The following TYW1B variants were observed in gnomAD, a reference collection of about 807,000 sequenced individuals.
The protein encoded by TYW1B is tRNA-yW synthesizing protein 1 homolog B, also known as S-adenosyl-L-methionine-dependent tRNA 4-demethylwyosine synthase TYW1B.
A neutral mutation model predicts 86.9 loss-of-function variants in TYW1B; 73 were observed. The observed-to-expected ratio is 0.84, with a 90% CI of 0.70 to 1.02. The LOEUF is 1.02. TYW1B is among the 50% of genes least tolerant of loss of function. The pLI, the probability that TYW1B is intolerant of heterozygous loss-of-function variation, is 0.00. For missense variants in TYW1B, 637 were observed against 827.4 expected, an observed-to-expected ratio of 0.77 and a Z score of 2.82; for synonymous variants, 248 against 292.8, an observed-to-expected ratio of 0.85 and a Z score of 1.56.
At chr7:72,619,611 G>A (rs1402666738) in intron 12 of TYW1B, among the ~76,000 whole-genome samples, 4 of 143,368 alleles carry the variant, frequency 2.8e-5, no homozygotes, top group South Asian at 2.2e-4. Context: ...ACTGCAGTCC[G>A]CAGTCTGGCC....
Position 72,768,842 on chromosome 7 carries a change from G to T in TYW1B, c.964+8574C>A. 3 of 273,782 alleles carry T rather than the reference G, an allele frequency of 1.1e-5. No homozygotes were observed. In the South Asian group the frequency reaches 1.4e-4, roughly 12 times the overall value. The allele number at this position is 273,782 out of a possible 1,614,324, so 17.0% of individuals were successfully genotyped here. A position where few individuals can be genotyped will look rare whatever the true frequency, so the allele number is the denominator to read the frequency against. ...CAGGACAGGATCCTGTGCCCTATAT[G>T]ACTTCTCTGATTCACAAACTCTAAG... is the stretch of plus-strand genomic sequence containing the variant. On this transcript the variant is annotated intron_variant, in intron 7 of 13. Coordinates refer to ENST00000620995, the MANE Select transcript of TYW1B (RefSeq NM_001145440.3).
intron 13 of TYW1B, among the ~76,000 whole-genome samples, chr7:72,607,210 T>C (rs1476564233): frequency 6.6e-6 from 1 of 151,524 alleles, no homozygotes; most frequent in Non-Finnish European, 1.5e-5. Context: ...CTGGCCAACA[T>C]GGAGAAACCC....
At chr7:72,577,193 C>CAA (rs35445348) in intron 13 of TYW1B, among the ~76,000 whole-genome samples, 142 of 130,778 alleles carry the variant, frequency 1.1e-3, no homozygotes, top group East Asian at 4.2e-3. Flanking sequence ...GTTCTAGCCA[C>CAA]AAAAAAAAAA....
At chr7:72,806,979 C>A in intron 5 of TYW1B, 87 bp downstream of exon 5, 1 of 1,504,970 alleles carries the variant, frequency 6.6e-7, no homozygotes, top group Non-Finnish European at 8.9e-7. Flanking sequence ...CAGAAGCCAA[C>A]GAGATGGTTT....
In TYW1B at chr7:72,574,773, G is replaced by T; in HGVS notation, c.*725C>A. 1.0e-6 allele frequency: 1 copy of T among 985,388 alleles called. No individual in the cohort carries two copies. The highest frequency in any genetic ancestry group is 1.7e-5 in the African/African-American group (1 of 57,358). The allele number at this position is 985,388 out of a possible 1,614,324, so 61.0% of individuals were successfully genotyped here. A position where few individuals can be genotyped will look rare whatever the true frequency, so the allele number is the denominator to read the frequency against. On this transcript the variant is annotated 3_prime_UTR_variant, in exon 14 of 14. Transcript: ENST00000620995. ...ATCCTCTTCAGTCCAAAGTGTGTTTGTGAGACTAATGACTCCATGCCCTCA... is the reference window on the plus strand; with the variant it reads ...ATCCTCTTCAGTCCAAAGTGTGTTTTTGAGACTAATGACTCCATGCCCTCA...
chr7:72,704,939 T>C (rs1814577681), intron 10 of TYW1B, among the ~76,000 whole-genome samples: 2 of 152,130 alleles, frequency 1.3e-5, no homozygotes. Flanking sequence ...CAGAGAAATA[T>C]TCCATGAATT....
chr7:72,826,584 A>C lies in TYW1B; in HGVS notation c.135+271T>G, dbSNP rs572962682. ...AGGACTACTGACCCTTAAAGGTATAAAACAAATTTGTTTTTCATATAAAAG... is the reference window on the plus strand; with the variant it reads ...AGGACTACTGACCCTTAAAGGTATACAACAAATTTGTTTTTCATATAAAAG... On this transcript the variant is annotated intron_variant, in intron 2 of 13. Coordinates refer to ENST00000620995, the MANE Select transcript of TYW1B (RefSeq NM_001145440.3). 2.0e-5 allele frequency among the ~76,000 whole-genome samples: 3 copies of C among 152,300 alleles called. 1 individual carries two copies. The South Asian group carries it at 6.2e-4, about 32-fold the overall frequency.
chr7:72,825,131 A>C (rs1365703778), intron 2 of TYW1B, among the ~76,000 whole-genome samples: 1 of 151,798 alleles, frequency 6.6e-6, no homozygotes, highest in Non-Finnish European at 1.5e-5. Context: ...AAAAGGAGAA[A>C]TCAAAGTACA....
At chr7:72,581,724 C>G (rs1451108130) in intron 13 of TYW1B, among the ~76,000 whole-genome samples, 2 of 151,794 alleles carry the variant, frequency 1.3e-5, no homozygotes, top group Admixed American at 6.6e-5. Flanking sequence ...TGACCATCAG[C>G]CACCTCAGAA....
At chr7:72,743,695 T>A (rs1277965727) in intron 8 of TYW1B, among the ~76,000 whole-genome samples, 1 of 151,652 alleles carries the variant, frequency 6.6e-6, no homozygotes, top group Non-Finnish European at 1.5e-5. Flanking sequence ...AATACAAAAA[T>A]TAGCTGGGCG....
intron 10 of TYW1B, among the ~76,000 whole-genome samples, chr7:72,705,291 A>G (rs1814585152): frequency 6.6e-6 from 1 of 152,248 alleles, no homozygotes; most frequent in Non-Finnish European, 1.5e-5. Flanking sequence ...AGGTTCTCTA[A>G]AAGATGGGGT....
At chr7:72,654,733 T>G (rs1442172642) in intron 11 of TYW1B, among the ~76,000 whole-genome samples, 2 of 151,980 alleles carry the variant, frequency 1.3e-5, no homozygotes, top group Non-Finnish European at 2.9e-5. Flanking sequence ...ATACAAACAT[T>G]AGCCAGGCGT....
intron 11 of TYW1B, among the ~76,000 whole-genome samples, chr7:72,670,848 T>G (rs1554446245): frequency 6.6e-6 from 1 of 152,224 alleles, no homozygotes; most frequent in African/African-American, 2.4e-5. Context: ...AGTCTAAGAC[T>G]TGGAAAATTA....
Position 72,723,169 on chromosome 7 carries a change from G to A in TYW1B, c.1192+5653C>T, listed in dbSNP as rs1179432221. 8 of 431,852 alleles carry A rather than the reference G, an allele frequency of 1.9e-5. No individual in the cohort carries two copies. In the Admixed American group the frequency reaches 1.9e-4, roughly 10 times the overall value. 26.8% of individuals were successfully genotyped at this position (431,852 alleles called of 1,614,324 possible). On this transcript the variant is annotated intron_variant, in intron 9 of 13. Coordinates refer to ENST00000620995, the MANE Select transcript of TYW1B (RefSeq NM_001145440.3). The stretch of plus-strand genomic sequence containing the variant: ...AATATATAAGGGGGAAAGGGGTGGC[G>A]AGGGAGGGGTTGTGGGGCTGGGGCC...
intron 11 of TYW1B, among the ~76,000 whole-genome samples, chr7:72,671,630 T>C (rs1216541087): frequency 6.6e-6 from 1 of 152,216 alleles, no homozygotes; most frequent in Non-Finnish European, 1.5e-5. Flanking sequence ...TTTTTATCTA[T>C]ATTTAAGGGC....
chr7:72,597,451 A>G (rs1278463488), intron 13 of TYW1B, among the ~76,000 whole-genome samples: 1 of 152,226 alleles, frequency 6.6e-6, no homozygotes, highest in Non-Finnish European at 1.5e-5. Flanking sequence ...AGTAGGAAGG[A>G]AAGAAACAAT....
intron 11 of TYW1B, among the ~76,000 whole-genome samples, chr7:72,689,559 T>C (rs782598453): frequency 1.1e-4 from 16 of 152,120 alleles, no homozygotes; most frequent in Non-Finnish European, 2.4e-4. Context: ...TCCCTACTAC[T>C]GGCCAACAAG....
At chr7:72,583,520 G>A (rs1447986707) in intron 13 of TYW1B, among the ~76,000 whole-genome samples, 1 of 152,106 alleles carries the variant, frequency 6.6e-6, no homozygotes, top group Non-Finnish European at 1.5e-5. Context: ...GTTTGAGGAG[G>A]GTACAAGGAA....
intron 7 of TYW1B, among the ~76,000 whole-genome samples, chr7:72,773,148 T>C (rs1174802797): frequency 1.3e-5 from 2 of 152,156 alleles, no homozygotes; most frequent in Non-Finnish European, 2.9e-5. Flanking sequence ...CCAAGATACA[T>C]AGGTTTCTAT....
Sources: allele counts gnomAD v4.1 joint callset (sites outside exome capture counted in the v4.1 genomes callset), GRCh38; gene constraint gnomAD v4.1.1; transcripts MANE v1.5; gene names NCBI Gene and HGNC (gene_info 2026-07-23, HGNC 2026-07-21).